The following SPTBN1 variants were observed in gnomAD, a reference collection of about 807,000 sequenced individuals.
SPTBN1 encodes the protein spectrin beta chain, non-erythrocytic 1.
A neutral mutation model predicts 266.4 loss-of-function variants in SPTBN1; 32 were observed. The ratio of observed to expected loss-of-function variants is 0.12; its 90% CI spans 0.09 to 0.16. SPTBN1 has a LOEUF of 0.16. SPTBN1 is among the 10% of genes least tolerant of loss of function. The probability of loss-of-function intolerance (pLI) is 1.00; values close to 1 mark genes in which losing one functional copy is unlikely to be tolerated. For missense variants in SPTBN1, 2,296 were observed against 3,067.1 expected (o/e 0.75, Z 5.94); for synonymous variants, 1,336 against 1,162.2 (o/e 1.15, Z -3.04).
chr2:54,625,790 A>T (rs983640890), intron 11 of SPTBN1, 142 bp from the exon 12 acceptor site: 32 of 873,236 alleles, frequency 3.7e-5, no homozygotes, highest in Admixed American at 5.8e-5. Flanking sequence ...AGGGTTTCAC[A>T]ATGTTGGCCA....
At chr2:54,600,292 C>A (rs1676409809) in intron 3 of SPTBN1, among the ~76,000 whole-genome samples, 1 of 152,162 alleles carries the variant, frequency 6.6e-6, no homozygotes, top group African/African-American at 2.4e-5. Flanking sequence ...CTCTTCCCTG[C>A]CCTTCAGTTC....
intron 2 of SPTBN1, among the ~76,000 whole-genome samples, chr2:54,581,932 A>G (rs1263106528): frequency 6.6e-6 from 1 of 152,134 alleles, no homozygotes; most frequent in Non-Finnish European, 1.5e-5. Flanking sequence ...GCGAGACAAC[A>G]GGCACTTCAT....
At chr2:54,479,599 C>G (rs1307996508) in intron 1 of SPTBN1, among the ~76,000 whole-genome samples, 1 of 152,210 alleles carries the variant, frequency 6.6e-6, no homozygotes, top group Non-Finnish European at 1.5e-5. Context: ...AACCAGATAA[C>G]ATGGTCACTC....
At position 54,671,400 on chromosome 2, in the gene SPTBN1, A is replaced by C. The variant is rs1279418896; in HGVS notation, c.*2831A>C. On this transcript the variant is annotated 3_prime_UTR_variant, in exon 36 of 36. Coordinates refer to ENST00000356805, the MANE Select transcript of SPTBN1 (RefSeq NM_003128.3). ...ATCCTATGTTAGTTCCCCTGGATAC[A>C]TTGTTTTATCAGTCGGAATTCTTAA... 1 of 152,234 alleles carries C rather than the reference A, an allele frequency of 6.6e-6. No individual in the cohort carries two copies. Among genetic ancestry groups the C allele is most frequent in the Non-Finnish European group, 1.5e-5 (1 of 68,050 alleles). The allele number at this position is 152,234 out of a possible 1,614,324, so 9.4% of individuals were successfully genotyped here.
chr2:54,470,801 C>T (rs1693879585), intron 1 of SPTBN1, among the ~76,000 whole-genome samples: 1 of 152,020 alleles, frequency 6.6e-6, no homozygotes, highest in South Asian at 2.1e-4. Context: ...TAGAAAGAAC[C>T]TGTCTCAAAC....
At chr2:54,476,166 C>T (rs1019588906) in intron 1 of SPTBN1, among the ~76,000 whole-genome samples, 1 of 152,028 alleles carries the variant, frequency 6.6e-6, no homozygotes, top group African/African-American at 2.4e-5. Flanking sequence ...ACTTGTCCGT[C>T]ACATGGTGGC....
chr2:54,502,059 TGAGA>T (rs1200185107), intron 1 of SPTBN1, among the ~76,000 whole-genome samples: 1 of 152,156 alleles, frequency 6.6e-6, no homozygotes, highest in Non-Finnish European at 1.5e-5. Flanking sequence ...TGCTAAACTC[TGAGA>T]GAGAGAGTAT....
intron 2 of SPTBN1, among the ~76,000 whole-genome samples, chr2:54,559,836 C>T (rs185254558): frequency 6.6e-6 from 1 of 152,134 alleles, no homozygotes; most frequent in Non-Finnish European, 1.5e-5. Flanking sequence ...CTCAGTGCTG[C>T]AAATGTGGTT....
In SPTBN1 at chr2:54,534,272, G is replaced by A. The variant is rs77302755; in HGVS notation, c.148+7706G>A. On this transcript the variant is annotated intron_variant, in intron 2 of 35. Transcript: ENST00000356805. ...GAAAGAGAACAGCTTCTTGCATGGT[G>A]GAATGGGTTTTTACAGAGAGGATTA... 2.5e-3 allele frequency among the ~76,000 whole-genome samples: 379 copies of A among 152,230 alleles called. 8 individuals carry two copies. The East Asian group carries it at 0.048, about 19-fold the overall frequency.
chr2:54,474,689 C>A (rs1200780080), intron 1 of SPTBN1, among the ~76,000 whole-genome samples: 1 of 152,074 alleles, frequency 6.6e-6, no homozygotes. Flanking sequence ...AATGGAATTA[C>A]CGTAACTATG....
Position 54,653,576 on chromosome 2 carries a change from C to T in SPTBN1, c.5578-33C>T. ...GTGATGGTGGGAAGGCCGCCATGGG[C>T]TGACCTGGCTCATCCCCTACATGGC... On this transcript the variant is annotated intron_variant, in intron 26 of 35. Coordinates refer to ENST00000356805, the MANE Select transcript of SPTBN1 (RefSeq NM_003128.3). The surrounding 1 kb of genome is among the most constrained non-coding windows in gnomAD (Gnocchi z 5.1). The T allele has an allele frequency of 6.2e-7, 1 of 1,605,722 alleles. No homozygotes were observed. Among genetic ancestry groups the T allele is most frequent in the Non-Finnish European group, 8.5e-7 (1 of 1,177,904 alleles).
intron 1 of SPTBN1, among the ~76,000 whole-genome samples, chr2:54,518,413 C>G (rs1670238962): frequency 6.7e-6 from 1 of 149,846 alleles, no homozygotes; most frequent in African/African-American, 2.5e-5. Flanking sequence ...TGTAACAAAC[C>G]TGCACATTGT....
chr2:54,606,877 C>G (rs1289015718), intron 3 of SPTBN1, among the ~76,000 whole-genome samples: 1 of 152,226 alleles, frequency 6.6e-6, no homozygotes, highest in African/African-American at 2.4e-5. Context: ...AGTGTTACCT[C>G]AAACAGCACT....
At chr2:54,563,117 CT>C (rs1673428610) in intron 2 of SPTBN1, among the ~76,000 whole-genome samples, 1 of 152,092 alleles carries the variant, frequency 6.6e-6, no homozygotes. Flanking sequence ...TAACTTTCTC[CT>C]TTCAGACTTC....
At chr2:54,616,534 C>T (rs766319953) in intron 5 of SPTBN1, among the ~76,000 whole-genome samples, 15 of 152,286 alleles carry the variant, frequency 9.8e-5, no homozygotes, top group Non-Finnish European at 1.8e-4. Context: ...ATTAAGGAAG[C>T]TCCAGAGAGC....
At chr2:54,650,173 G>A (rs777217000) in intron 26 of SPTBN1, among the ~76,000 whole-genome samples, 184 bp downstream of exon 26, 1 of 152,168 alleles carries the variant, frequency 6.6e-6, no homozygotes, top group Non-Finnish European at 1.5e-5. Flanking sequence ...AAAGGTCTAC[G>A]TTTGCCACAT....
At chr2:54,635,667 C>A (rs1679073002) in intron 17 of SPTBN1, among the ~76,000 whole-genome samples, 1 of 152,342 alleles carries the variant, frequency 6.6e-6, no homozygotes, top group African/African-American at 2.4e-5. Context: ...TTGTTAATTT[C>A]CAGTATCTGG....
Position 54,648,302 on chromosome 2 carries a change from G to A in SPTBN1, c.4998-684G>A, listed in dbSNP as rs1222128824. On this transcript the variant is annotated intron_variant, in intron 24 of 35. Transcript: ENST00000356805. ...GGAAAGTGGCCTTCCTAGTCTCCAG[G>A]GATAGGCACCAACATGTCCTTTGTC... Among the ~76,000 whole-genome samples, 3 of 152,256 alleles carry A rather than the reference G, an allele frequency of 2.0e-5. No homozygotes were observed. In the East Asian group the frequency reaches 5.8e-4, roughly 29 times the overall value.
Position 54,512,137 on chromosome 2 carries a change from A to G in SPTBN1, c.-47-14235A>G, listed in dbSNP as rs148001015. Among the ~76,000 whole-genome samples the G allele has an allele frequency of 2.1e-3, 313 of 152,286 alleles. 1 individual carries two copies. Among genetic ancestry groups the G allele is most frequent in the Non-Finnish European group, 3.0e-3 (201 of 68,010 alleles). The stretch of plus-strand genomic sequence containing the variant: ...CTCAGATGGTAGGTATAAGCAAACT[A>G]TGGGGAACAGCTGTACTTCGCTTGC... On this transcript the variant is annotated intron_variant, in intron 1 of 35. Coordinates refer to ENST00000356805, the MANE Select transcript of SPTBN1 (RefSeq NM_003128.3).
Sources: gnomAD v4.1 joint callset for allele counts (sites outside exome capture counted in the v4.1 genomes callset) on GRCh38, gnomAD v4.1.1 for gene constraint, Gnocchi (gnomAD v3.1) non-coding constraint, MANE v1.5 for transcripts, NCBI Gene and HGNC (gene_info 2026-07-23, HGNC 2026-07-21) for gene names.